The following CTBP1 variants were observed in gnomAD, a reference collection of about 807,000 sequenced individuals.
CTBP1 encodes the protein C-terminal binding protein 1.
CTBP1 carries 11 observed loss-of-function variants against 42.1 expected under a neutral mutation model. The ratio of observed to expected loss-of-function variants is 0.26; its 90% CI spans 0.16 to 0.43. The LOEUF is 0.43. CTBP1 is among the 20% of genes least tolerant of loss of function. CTBP1 has a pLI of 1.00. For synonymous variants in CTBP1, 324 were observed against 277.1 expected, an observed-to-expected ratio of 1.17 and a Z score of -1.68; for missense variants, 399 against 624.3, an observed-to-expected ratio of 0.64 and a Z score of 3.85.
At chr4:1,216,422 G>T (rs888440617) in intron 5 of CTBP1, 6 of 603,888 alleles carry the variant, frequency 9.9e-6, no homozygotes, top group South Asian at 5.9e-5. Context: ...ATGCACAGGG[G>T]TGGAAAGGGT....
At position 1,216,112 on chromosome 4, in the gene CTBP1, G is replaced by A. The variant is rs371355192; in HGVS notation, c.608C>T (p.Ala203Val). 2.2e-5 allele frequency: 35 copies of A among 1,611,366 alleles called. No homozygotes were observed. Among genetic ancestry groups the A allele is most frequent in the Middle Eastern group, 2.2e-4 (1 of 4,558 alleles). ...GGTGCTGACACGCTGCAGCCCCAGC[G>A]CCCGCTCCACGCCATCCGACAAGTA... ...DPYLSDGVER[A>V]LGLQRVSTLQ... The change falls in exon 6 of 10, where the codon GCG (alanine) becomes GTG (valine). Residue 203 changes from alanine (A) to valine (V), a missense_variant. Physicochemically the swap from Ala to Val is moderately conservative, Grantham distance 64. Around this residue, in one of 4 missense-constraint regions of CTBP1, gnomAD observed 309 missense variants for 497.5 expected, o/e 0.62. Coordinates refer to ENST00000382952, the MANE Select transcript of CTBP1 (RefSeq NM_001012614.2).
chr4:1,231,908 C>A (rs376665974), intron 3 of CTBP1, among the ~76,000 whole-genome samples: 1 of 152,258 alleles, frequency 6.6e-6, no homozygotes, highest in Non-Finnish European at 1.5e-5. Flanking sequence ...GGGTTACCGG[C>A]GGTGCCTGCT....
rs1240750125 is a variant in CTBP1 at position 1,241,445 on chromosome 4, A to G, written c.-114T>C. On this transcript the variant is annotated 5_prime_UTR_variant, in exon 2 of 10. Transcript: ENST00000382952. The stretch of plus-strand genomic sequence containing the variant: ...TCTCGGAGCCTCATCCCACGTCCTT[A>G]ATTGTCTCGAGCCAAAGTGCTCAGG... The G allele has an allele frequency of 1.3e-6, 2 of 1,572,502 alleles. No individual in the cohort carries two copies. The highest frequency in any genetic ancestry group is 1.7e-6 in the Non-Finnish European group (2 of 1,143,736).
chr4:1,225,653 G>A, intron 4 of CTBP1, 87 bp from the exon 5 acceptor site: 1 of 1,362,580 alleles, frequency 7.3e-7, no homozygotes, highest in African/African-American at 1.4e-5. Context: ...GAGCGGGTTT[G>A]AAGCTTCCCA....
chr4:1,240,871 A>G (rs1732106921), intron 2 of CTBP1, among the ~76,000 whole-genome samples: 1 of 152,138 alleles, frequency 6.6e-6, no homozygotes, highest in South Asian at 2.1e-4. Context: ...AGCATCCCCC[A>G]AGCCCAAGGC....
At chr4:1,222,481 G>T (rs569634933) in intron 5 of CTBP1, among the ~76,000 whole-genome samples, 1 of 152,250 alleles carries the variant, frequency 6.6e-6, no homozygotes, top group South Asian at 2.1e-4. Context: ...AGAGCCCACA[G>T]GACGACCTGG....
rs11723655 is a variant in CTBP1, at chr4:1,245,236, G to A, written c.-189+3680C>T. On this transcript the variant is annotated intron_variant, in intron 1 of 9. Transcript: ENST00000382952. Reference sequence around the variant, plus strand: ...TGCAGGGCCGCATCACAGCTCAGAGGACACAGCGCAGGGGCTGTGATCAAA... The same window carrying A: ...TGCAGGGCCGCATCACAGCTCAGAGAACACAGCGCAGGGGCTGTGATCAAA... The A allele has an allele frequency of 4.0e-3, 3,930 of 985,470 alleles. 9 individuals are homozygous for A. Among genetic ancestry groups the A allele is most frequent in the Non-Finnish European group, 4.5e-3 (3,748 of 829,942 alleles). The allele number at this position is 985,470 out of a possible 1,614,324, so 61.0% of individuals were successfully genotyped here.
chr4:1,245,986 C>T (rs915543088), intron 1 of CTBP1, among the ~76,000 whole-genome samples: 9 of 152,174 alleles, frequency 5.9e-5, no homozygotes, highest in African/African-American at 2.2e-4. Context: ...TCAAGGTTAA[C>T]GTTTGGCTCG....
At chr4:1,250,044 T>C (rs995650859), upstream of CTBP1, 1 of 159,260 alleles carries the variant, frequency 6.3e-6, no homozygotes, top group Non-Finnish European at 1.4e-5. Context: ...ATCCACCCCA[T>C]GGGGAGGGCC....
intron 5 of CTBP1, chr4:1,216,513 C>A: frequency 1.9e-6 from 1 of 530,900 alleles, no homozygotes; most frequent in East Asian, 3.2e-5. Flanking sequence ...ATGAACCACT[C>A]AGTGTCAAAC....
chr4:1,236,343 G>A (rs1056951817), intron 3 of CTBP1: 3 of 435,398 alleles, frequency 6.9e-6, no homozygotes, highest in East Asian at 4.3e-5. Context: ...CAGGAAAGCT[G>A]CCCAAAGGCT....
chr4:1,226,290 T>C (rs929554799), intron 4 of CTBP1, among the ~76,000 whole-genome samples: 2 of 152,014 alleles, frequency 1.3e-5, no homozygotes, highest in Non-Finnish European at 2.9e-5. Context: ...TGCACGGCAC[T>C]TCCCACCCCA....
rs767750268 is a variant in CTBP1 at position 1,212,224 on chromosome 4, G to C, written c.*16C>G. On this transcript the variant is annotated 3_prime_UTR_variant, in exon 10 of 10. Transcript: ENST00000382952. ...GCCCTCTGCCCAGGCGCCGAGGCTG[G>C]AGAGCTCCTCCCGGGCTACAACTGG... The C allele has an allele frequency of 2.1e-6, 3 of 1,437,020 alleles. No homozygotes were observed. Among genetic ancestry groups the C allele is most frequent in the Non-Finnish European group, 2.7e-6 (3 of 1,091,412 alleles). 89.0% of individuals were successfully genotyped at this position (1,437,020 alleles called of 1,614,324 possible). A position where few individuals can be genotyped will look rare whatever the true frequency, so the allele number is the denominator to read the frequency against.
At chr4:1,230,376 G>A (rs1464473928) in intron 3 of CTBP1, among the ~76,000 whole-genome samples, 1 of 152,210 alleles carries the variant, frequency 6.6e-6, no homozygotes, top group East Asian at 1.9e-4. Flanking sequence ...GGGCAGCCTG[G>A]CAAAGCAGCC....
At chr4:1,231,103 C>G (rs756571589) in intron 3 of CTBP1, 1 of 152,306 alleles carries the variant, frequency 6.6e-6, no homozygotes, top group Admixed American at 6.5e-5. Flanking sequence ...ACCTCCACCA[C>G]GTACCAGGTT....
chr4:1,226,005 A>G (rs1730302506), intron 4 of CTBP1, among the ~76,000 whole-genome samples: 2 of 151,860 alleles, frequency 1.3e-5, no homozygotes, highest in African/African-American at 4.8e-5. Context: ...CTACGTGGAC[A>G]TCCGCACATG....
intron 5 of CTBP1, among the ~76,000 whole-genome samples, chr4:1,224,466 G>C (rs1280823040): frequency 1.3e-5 from 2 of 151,230 alleles, no homozygotes; most frequent in Non-Finnish European, 2.9e-5. Context: ...GTGCCCATGA[G>C]GCCTGTGTGT....
Position 1,238,467 on chromosome 4 carries a change from A to G in CTBP1, c.8-130T>C, listed in dbSNP as rs1382129699. 3.6e-6 allele frequency: 4 copies of G among 1,112,074 alleles called. No homozygotes were observed. Among genetic ancestry groups the G allele is most frequent in the Non-Finnish European group, 4.9e-6 (4 of 813,884 alleles). 68.9% of individuals were successfully genotyped at this position (1,112,074 alleles called of 1,614,324 possible). On this transcript the variant is annotated intron_variant, in intron 2 of 9. Transcript: ENST00000382952. This position sits in a 1 kb window ranked among gnomAD's most constrained non-coding sequence, Gnocchi z 5.9. ...GGGGTTTTCTGGTCTATATGTTGTG[A>G]TATTTGTAAAAAGTAAATTAAAAAT...
chr4:1,220,102 T>C (rs1729568248), intron 5 of CTBP1, among the ~76,000 whole-genome samples: 1 of 151,242 alleles, frequency 6.6e-6, no homozygotes, highest in Admixed American at 6.6e-5. Flanking sequence ...CTCAGGAGGC[T>C]GAGGCAGGAG....
Sources: allele counts gnomAD v4.1 joint callset (sites outside exome capture counted in the v4.1 genomes callset), GRCh38; gene constraint gnomAD v4.1.1; regional missense constraint gnomAD v4.1.1; non-coding constraint Gnocchi (gnomAD v3.1); transcripts MANE v1.5; gene names NCBI Gene and HGNC (gene_info 2026-07-23, HGNC 2026-07-21).